Variants in PCBP2 observed in about 807,000 individuals in gnomAD.
PCBP2 encodes the protein poly(rC) binding protein 2.
In PCBP2, 4 loss-of-function variants were observed where a neutral mutation model predicts 50.1. The observed-to-expected ratio is 0.08, with a 90% CI of 0.04 to 0.18. The LOEUF is 0.18. Among genes scored for constraint, PCBP2 ranks in the 10% least tolerant of loss-of-function variants. PCBP2 has a pLI of 1.00. For missense variants in PCBP2, 161 were observed against 474.3 expected (o/e 0.34, Z 6.14); for synonymous variants, 179 against 168.0 (o/e 1.07, Z -0.51).
intron 8 of PCBP2, among the ~76,000 whole-genome samples, chr12:53,462,924 T>G (rs766972213): frequency 1.3e-4 from 20 of 152,160 alleles, no homozygotes; most frequent in Non-Finnish European, 2.4e-4. Context: ...GAGTTGGACC[T>G]CTGAAGGAGA....
At chr12:53,467,338 G>C in intron 11 of PCBP2, 45 bp downstream of exon 11, 1 of 1,437,172 alleles carries the variant, frequency 7.0e-7, no homozygotes, top group Non-Finnish European at 9.8e-7. Flanking sequence ...TAGTGCAAGA[G>C]AGAGGCCAGT....
At chr12:53,458,925 C>G (rs892937676) in intron 5 of PCBP2, among the ~76,000 whole-genome samples, 4 of 152,194 alleles carry the variant, frequency 2.6e-5, no homozygotes, top group Non-Finnish European at 4.4e-5. Context: ...CAAGCTTGAG[C>G]TACCGTGCCT....
chr12:53,477,665 C>CAAAAAAAAAAAAAAAAAAA (rs61213286), intron 14 of PCBP2, among the ~76,000 whole-genome samples: 3 of 52,868 alleles, frequency 5.7e-5, no homozygotes, highest in East Asian at 4.9e-4. Flanking sequence ...GACTCTGTCT[C>CAAAAAAAAAAAAAAAAAAA]AAAAAAAAAA....
At chr12:53,456,262 T>C (rs1419207834) in intron 5 of PCBP2, among the ~76,000 whole-genome samples, 2 of 151,576 alleles carry the variant, frequency 1.3e-5, no homozygotes, top group Non-Finnish European at 2.9e-5. Context: ...AGGTCAGGAG[T>C]TCGAGACCAA....
chr12:53,477,314 A>T (rs2137130705), intron 14 of PCBP2, among the ~76,000 whole-genome samples: 1 of 151,996 alleles, frequency 6.6e-6, no homozygotes, highest in East Asian at 1.9e-4. Context: ...GCTATTGTTT[A>T]CCTTTCCTTA....
Position 53,480,290 on chromosome 12 carries a change from TAGAA to T in PCBP2, c.*849_*852del, listed in dbSNP as rs779106261. The T allele has an allele frequency of 4.6e-5, 7 of 152,198 alleles. No homozygotes were observed. The highest frequency in any genetic ancestry group is 8.8e-5 in the Non-Finnish European group (6 of 68,038). 9.4% of individuals were successfully genotyped at this position (152,198 alleles called of 1,614,324 possible). On this transcript the variant is annotated 3_prime_UTR_variant, in exon 15 of 15. Coordinates refer to ENST00000546463, the MANE Select transcript of PCBP2 (RefSeq NM_031989.5). ...TCATTTATAGTCCTCCATAACAAGT[TAGAA>T]GGATGTATCTGCTACCATTTATTCC...
At chr12:53,467,394 C>G in intron 11 of PCBP2, 101 bp downstream of exon 11, 1 of 975,750 alleles carries the variant, frequency 1.0e-6, no homozygotes, top group Non-Finnish European at 1.7e-6. Flanking sequence ...CTTCGTTATC[C>G]AGCATCCTGC....
chr12:53,471,524 G>C (rs948542039), intron 13 of PCBP2, 114 bp from the exon 14 acceptor site: 1 of 954,156 alleles, frequency 1.0e-6, no homozygotes, highest in Admixed American at 3.8e-5. Flanking sequence ...CCAAGATCAG[G>C]CCACTGCACT....
intron 12 of PCBP2, chr12:53,468,269 C>A (rs1009746065): frequency 5.1e-6 from 1 of 195,174 alleles, no homozygotes; most frequent in Non-Finnish European, 1.0e-5. Context: ...TTCTATCTGA[C>A]CTTCCAGTCT....
intron 7 of PCBP2, 51 bp from the exon 8 acceptor site, chr12:53,462,442 G>A: frequency 6.7e-7 from 1 of 1,499,300 alleles, no homozygotes; most frequent in Non-Finnish European, 9.2e-7. Flanking sequence ...AGCTGAAGCA[G>A]CTTTGAAACC....
rs952533039 is a variant in PCBP2, at chr12:53,479,545, T to C, written c.*103T>C. On this transcript the variant is annotated 3_prime_UTR_variant, in exon 15 of 15. Coordinates refer to ENST00000546463, the MANE Select transcript of PCBP2 (RefSeq NM_031989.5). The stretch of plus-strand genomic sequence containing the variant: ...CAGCGATTCCAGGTTTTAAATAGTT[T>C]GTAAATTTTCAGTTTCTACACACTT... 8.6e-6 allele frequency: 9 copies of C among 1,042,770 alleles called. No homozygotes were observed. The highest frequency in any genetic ancestry group is 5.9e-5 in the Admixed American group (3 of 50,564). The allele number at this position is 1,042,770 out of a possible 1,614,324, so 64.6% of individuals were successfully genotyped here. A position where few individuals can be genotyped will look rare whatever the true frequency, so the allele number is the denominator to read the frequency against.
chr12:53,456,054 T>G, intron 5 of PCBP2, 53 bp downstream of exon 5: 1 of 1,109,250 alleles, frequency 9.0e-7, no homozygotes, highest in East Asian at 2.4e-5. Context: ...TCCAGAGAGC[T>G]TGTTGATTTT....
At chr12:53,470,638 C>A (rs1486922962) in intron 13 of PCBP2, among the ~76,000 whole-genome samples, 2 of 151,942 alleles carry the variant, frequency 1.3e-5, no homozygotes, top group African/African-American at 4.8e-5. Flanking sequence ...AAGTGATTGG[C>A]CTGCCTCAGC....
chr12:53,478,746 C>T (rs1942837776), intron 14 of PCBP2, among the ~76,000 whole-genome samples: 1 of 152,130 alleles, frequency 6.6e-6, no homozygotes, highest in South Asian at 2.1e-4. Context: ...GCACAAGTTG[C>T]AGTGAGGCAA....
chr12:53,468,075 G>GT, intron 12 of PCBP2: 1 of 513,642 alleles, frequency 1.9e-6, no homozygotes, highest in Non-Finnish European at 3.5e-6. Context: ...CTAAGCTTGA[G>GT]TGTTAGCCAG....
At chr12:53,459,590 T>C (rs949952641) in intron 6 of PCBP2, among the ~76,000 whole-genome samples, 187 bp downstream of exon 6, 1 of 152,194 alleles carries the variant, frequency 6.6e-6, no homozygotes, top group Non-Finnish European at 1.5e-5. Flanking sequence ...TTCATAAATT[T>C]TAATAAATCA....
intron 2 of PCBP2, 38 bp downstream of exon 2, chr12:53,454,907 C>T (rs1249725005): frequency 2.6e-6 from 4 of 1,543,300 alleles, no homozygotes; most frequent in Non-Finnish European, 3.6e-6. Flanking sequence ...ATAGTAACTG[C>T]TAGGGGAGGG....
At chr12:53,474,844 T>C in intron 14 of PCBP2, 1 of 372,320 alleles carries the variant, frequency 2.7e-6, no homozygotes, top group Non-Finnish European at 5.4e-6. Flanking sequence ...CCCTTTTTTT[T>C]TGTTCCTTTT....
At position 53,480,897 on chromosome 12, in the gene PCBP2, C is replaced by G. The variant is rs1943007575; in HGVS notation, c.*1455C>G. On this transcript the variant is annotated 3_prime_UTR_variant, in exon 15 of 15. Transcript: ENST00000546463. The stretch of plus-strand genomic sequence containing the variant: ...ATAAAGAATATAAAGACAACCCTGG[C>G]TTTTCTATTGCCTTGTTGCTTGCTG... 1.3e-5 allele frequency: 2 copies of G among 149,292 alleles called. No individual in the cohort carries two copies. The highest frequency in any genetic ancestry group is 3.0e-5 in the Non-Finnish European group (2 of 67,672). 9.2% of individuals were successfully genotyped at this position (149,292 alleles called of 1,614,324 possible).
Sources: gnomAD v4.1 joint callset for allele counts (sites outside exome capture counted in the v4.1 genomes callset) on GRCh38, gnomAD v4.1.1 for gene constraint, MANE v1.5 for transcripts, NCBI Gene and HGNC (gene_info 2026-07-23, HGNC 2026-07-21) for gene names.